The following MBNL1 variants were observed in gnomAD, a reference collection of about 807,000 sequenced individuals.
The protein encoded by MBNL1 is muscleblind-like protein 1.
In MBNL1, 8 loss-of-function variants were observed where a neutral mutation model predicts 42.2. That is an observed-to-expected ratio of 0.19 (90% CI 0.11 to 0.34). The LOEUF is 0.34. Ranked by LOEUF, MBNL1 falls within the 10% of genes least tolerant of loss-of-function variation. MBNL1 has a pLI of 1.00. For missense variants in MBNL1, 309 were observed against 495.3 expected (o/e 0.62, Z 3.57); for synonymous variants, 169 against 173.9 (o/e 0.97, Z 0.22).
intron 3 of MBNL1, among the ~76,000 whole-genome samples, chr3:152,424,037 C>G (rs999164140): frequency 6.7e-6 from 1 of 148,372 alleles, no homozygotes; most frequent in Non-Finnish European, 1.5e-5. Context: ...GATTCCCTCC[C>G]TCACCACTCC....
intron 6 of MBNL1, among the ~76,000 whole-genome samples, chr3:152,449,095 G>A (rs987375003): frequency 6.6e-6 from 1 of 152,110 alleles, no homozygotes; most frequent in South Asian, 2.1e-4. Context: ...TGTGCAAGTT[G>A]CTGTGTCCCT....
chr3:152,321,110 A>G (rs548424903), intron 2 of MBNL1, among the ~76,000 whole-genome samples: 130 of 152,214 alleles, frequency 8.5e-4, no homozygotes, highest in African/African-American at 2.9e-3. Flanking sequence ...GAAGAACTGA[A>G]AAGTTCTAGA....
chr3:152,312,697 T>C (rs1309319975), intron 2 of MBNL1, among the ~76,000 whole-genome samples: 1 of 152,236 alleles, frequency 6.6e-6, no homozygotes, highest in Admixed American at 6.5e-5. Context: ...AAGACTAAAT[T>C]GATCATAGGG....
intron 2 of MBNL1, among the ~76,000 whole-genome samples, chr3:152,346,766 G>A (rs1280797858): frequency 1.3e-5 from 2 of 151,850 alleles, no homozygotes; most frequent in African/African-American, 4.8e-5. Context: ...GGTTTCATAA[G>A]CTGTTTCAGT....
chr3:152,272,309 C>T (rs906587488), intron 1 of MBNL1, among the ~76,000 whole-genome samples: 5 of 151,982 alleles, frequency 3.3e-5, no homozygotes, highest in Non-Finnish European at 7.4e-5. Context: ...CTCAAAGCTG[C>T]TATTTAGTTT....
At chr3:152,378,975 C>G (rs2097055368) in intron 2 of MBNL1, among the ~76,000 whole-genome samples, 1 of 152,102 alleles carries the variant, frequency 6.6e-6, no homozygotes, top group Admixed American at 6.6e-5. Context: ...CTTGACCTCC[C>G]AAAGTGGTAA....
rs1265419663 is a variant in MBNL1 at position 152,464,367 on chromosome 3, ATTG to A, written c.*2004_*2006del. ...ATATTACAGTGTAAGAATGTCAGTC[ATTG>A]TTAGTTCTTGTCTAGTTTTCATTAA... On this transcript the variant is annotated 3_prime_UTR_variant, in exon 10 of 10. Transcript: ENST00000324210. 1.0e-4 allele frequency: 16 copies of A among 152,526 alleles called. No homozygotes were observed. Among genetic ancestry groups the A allele is most frequent in the African/African-American group, 3.1e-4 (13 of 41,458 alleles). 9.4% of individuals were successfully genotyped at this position (152,526 alleles called of 1,614,324 possible). A position where few individuals can be genotyped will look rare whatever the true frequency, so the allele number is the denominator to read the frequency against.
intron 2 of MBNL1, among the ~76,000 whole-genome samples, chr3:152,308,467 T>C (rs917637258): frequency 6.6e-6 from 1 of 152,136 alleles, no homozygotes; most frequent in East Asian, 1.9e-4. Flanking sequence ...CTGAAGCTAG[T>C]CTTTAATAGG....
At chr3:152,326,790 T>A (rs2080535020) in intron 2 of MBNL1, among the ~76,000 whole-genome samples, 1 of 149,578 alleles carries the variant, frequency 6.7e-6, no homozygotes, top group Non-Finnish European at 1.5e-5. Flanking sequence ...TATTTATTTA[T>A]TTATTTATTT....
intron 2 of MBNL1, among the ~76,000 whole-genome samples, chr3:152,387,433 T>G (rs1319986795): frequency 6.6e-6 from 1 of 152,122 alleles, no homozygotes; most frequent in African/African-American, 2.4e-5. Context: ...CAAATTTGTC[T>G]TCTAAAAATT....
intron 9 of MBNL1, 56 bp from the exon 10 acceptor site, chr3:152,462,329 A>C (rs1393946511): frequency 6.6e-6 from 1 of 152,210 alleles, no homozygotes; most frequent in African/African-American, 2.4e-5. Flanking sequence ...TGTATATTAG[A>C]AACTGCTTTT....
At chr3:152,280,765 G>A (rs555595967) in intron 1 of MBNL1, among the ~76,000 whole-genome samples, 8 of 152,112 alleles carry the variant, frequency 5.3e-5, no homozygotes, top group Non-Finnish European at 1.0e-4. Context: ...AATGGTGAAA[G>A]TGCAACTGTG....
intron 2 of MBNL1, among the ~76,000 whole-genome samples, chr3:152,254,983 A>C (rs1372647755): frequency 6.6e-6 from 1 of 152,170 alleles, no homozygotes; most frequent in Admixed American, 6.6e-5. Flanking sequence ...ATATTTATAT[A>C]TGGCCTATAC....
At chr3:152,374,886 G>A (rs1332890248) in intron 2 of MBNL1, among the ~76,000 whole-genome samples, 1 of 152,164 alleles carries the variant, frequency 6.6e-6, no homozygotes, top group East Asian at 1.9e-4. Context: ...GCAAAGAAGA[G>A]TTGATTTCAT....
chr3:152,317,716 T>G (rs2073003824), intron 2 of MBNL1, among the ~76,000 whole-genome samples: 1 of 152,226 alleles, frequency 6.6e-6, no homozygotes, highest in African/African-American at 2.4e-5. Flanking sequence ...GATTCTTATT[T>G]ATAAACCCAT....
At chr3:152,271,935 A>T (rs977360845) in intron 1 of MBNL1, among the ~76,000 whole-genome samples, 1 of 152,144 alleles carries the variant, frequency 6.6e-6, no homozygotes, top group African/African-American at 2.4e-5. Flanking sequence ...GAAGAAAGTA[A>T]AACATCTGAT....
At chr3:152,244,674 T>C (rs1299571034) in intron 2 of MBNL1, among the ~76,000 whole-genome samples, 1 of 152,198 alleles carries the variant, frequency 6.6e-6, no homozygotes, top group Non-Finnish European at 1.5e-5. Context: ...CAAATTATTT[T>C]ACCTGCAAAA....
chr3:152,396,463 T>C (rs2097942173), intron 2 of MBNL1, among the ~76,000 whole-genome samples: 1 of 152,126 alleles, frequency 6.6e-6, no homozygotes, highest in African/African-American at 2.4e-5. Context: ...TGTGTGATCT[T>C]AGGCAAATCC....
In MBNL1 at chr3:152,432,570, A is replaced by C. The variant is rs951952984; in HGVS notation, c.346-147A>C. The stretch of plus-strand genomic sequence containing the variant: ...ATTTAATAAAACAGCCTTACCCTAA[A>C]TGATAGTAAATGAACACAGGATTAA... On this transcript the variant is annotated intron_variant, in intron 3 of 9. Coordinates refer to ENST00000324210, the MANE Select transcript of MBNL1 (RefSeq NM_021038.5). The C allele has an allele frequency of 4.4e-6, 3 of 679,096 alleles. No individual in the cohort carries two copies. In the African/African-American group the frequency reaches 5.3e-5, roughly 12 times the overall value. 42.1% of individuals were successfully genotyped at this position (679,096 alleles called of 1,614,324 possible).
Sources: gnomAD v4.1 joint callset for allele counts (sites outside exome capture counted in the v4.1 genomes callset) on GRCh38, gnomAD v4.1.1 for gene constraint, MANE v1.5 for transcripts, NCBI Gene and HGNC (gene_info 2026-07-23, HGNC 2026-07-21) for gene names.